DDAH1: variants seen among roughly 807,000 people sequenced by gnomAD.
DDAH1 encodes dimethylarginine dimethylaminohydrolase 1.
In DDAH1, 19 loss-of-function variants were observed where a neutral mutation model predicts 28.8. That is an observed-to-expected ratio of 0.66 (90% CI 0.46 to 0.97). The LOEUF is 0.97. DDAH1 is among the 50% of genes least tolerant of loss of function. The pLI is 0.00. For synonymous variants in DDAH1, 153 were observed against 154.4 expected (o/e 0.99, Z 0.07); for missense variants, 326 against 375.9 (o/e 0.87, Z 1.10).
chr1:85,417,798 T>C (rs1326391783), intron 1 of DDAH1, among the ~76,000 whole-genome samples: 2 of 152,206 alleles, frequency 1.3e-5, no homozygotes, highest in African/African-American at 4.8e-5. Context: ...GAAGAGTGAA[T>C]TTAGAAAATC....
intron 1 of DDAH1, among the ~76,000 whole-genome samples, chr1:85,447,546 A>G (rs993740061): frequency 2.6e-5 from 4 of 152,134 alleles, no homozygotes; most frequent in African/African-American, 7.2e-5. Flanking sequence ...TATCCTTACA[A>G]TCTTCCTCCT....
At chr1:85,337,177 A>G in intron 4 of DDAH1, among the ~76,000 whole-genome samples, 1 of 152,198 alleles carries the variant, frequency 6.6e-6, no homozygotes, top group Non-Finnish European at 1.5e-5. Context: ...CTTGTTTTAT[A>G]TCATCTTTCC....
intron 1 of DDAH1, among the ~76,000 whole-genome samples, chr1:85,460,351 T>C (rs1007827901): frequency 3.9e-5 from 6 of 152,222 alleles, no homozygotes; most frequent in Admixed American, 6.5e-5. Context: ...CCCCATTTGA[T>C]GCCTAATTCC....
intron 1 of DDAH1, among the ~76,000 whole-genome samples, chr1:85,375,368 T>C (rs892135458): frequency 6.6e-6 from 1 of 152,076 alleles, no homozygotes; most frequent in Admixed American, 6.6e-5. Flanking sequence ...TGATATTCCA[T>C]AAGACTAGAT....
intron 1 of DDAH1, among the ~76,000 whole-genome samples, chr1:85,438,185 G>A (rs1570544219): frequency 6.6e-6 from 1 of 152,168 alleles, no homozygotes; most frequent in East Asian, 1.9e-4. Flanking sequence ...CTAGAGGGTG[G>A]AGGGTTGGTG....
intron 1 of DDAH1, among the ~76,000 whole-genome samples, chr1:85,403,367 A>G (rs1255461277): frequency 6.6e-6 from 1 of 152,084 alleles, no homozygotes; most frequent in Non-Finnish European, 1.5e-5. Flanking sequence ...ATAATTCAAA[A>G]CGTGCGAGAC....
chr1:85,397,976 A>C (rs1169414891), intron 1 of DDAH1, among the ~76,000 whole-genome samples: 1 of 142,946 alleles, frequency 7.0e-6, no homozygotes, highest in African/African-American at 2.6e-5. Context: ...CAGAGCTGTA[A>C]GCCAAATAAA....
chr1:85,333,187 C>G (rs1647889779), intron 4 of DDAH1, among the ~76,000 whole-genome samples: 3 of 152,198 alleles, frequency 2.0e-5, no homozygotes, highest in Admixed American at 2.0e-4. Context: ...ACAACGGCAG[C>G]CTACGCCACT....
chr1:85,456,095 GA>G (rs769288), intron 1 of DDAH1, among the ~76,000 whole-genome samples: 221 of 142,408 alleles, frequency 1.6e-3, no homozygotes, highest in East Asian at 3.0e-3. Context: ...GTTCCAAAAA[GA>G]AAAAAAAAAA....
At chr1:85,503,561 C>CTATCTATCTATCTATT (rs1656902417) in intron 1 of DDAH1, among the ~76,000 whole-genome samples, 1 of 151,934 alleles carries the variant, frequency 6.6e-6, no homozygotes, top group African/African-American at 2.4e-5. Context: ...ATCTATCTAT[C>CTATCTATCTATCTATT]TATCTATCCA....
At chr1:85,331,423 G>GTATGTATATGTATATA (rs111876317) in intron 4 of DDAH1, among the ~76,000 whole-genome samples, 7,324 of 148,502 alleles carry the variant, frequency 0.049, 604 homozygotes, top group African/African-American at 0.17. Flanking sequence ...ATTCATATAT[G>GTATGTATATGTATATA]TATATATATA....
At chr1:85,391,230 CT>C (rs1251428699) in intron 1 of DDAH1, among the ~76,000 whole-genome samples, 3 of 152,164 alleles carry the variant, frequency 2.0e-5, no homozygotes, top group Admixed American at 1.3e-4. Flanking sequence ...CCCTGAGTGA[CT>C]TATACTCTTC....
intron 1 of DDAH1, among the ~76,000 whole-genome samples, chr1:85,504,341 G>T (rs1166323526): frequency 6.6e-6 from 1 of 152,174 alleles, no homozygotes; most frequent in Admixed American, 6.5e-5. Flanking sequence ...TAAAATTAAA[G>T]AGAACAAAGG....
chr1:85,331,430 T>TA (rs1557469740), intron 4 of DDAH1, among the ~76,000 whole-genome samples: 1 of 151,230 alleles, frequency 6.6e-6, no homozygotes, highest in Non-Finnish European at 1.5e-5. Context: ...TATGTATATA[T>TA]ATATATATAA....
At chr1:85,563,562 A>G (rs1431134587) in intron 1 of DDAH1, among the ~76,000 whole-genome samples, 1 of 152,176 alleles carries the variant, frequency 6.6e-6, no homozygotes, top group Non-Finnish European at 1.5e-5. Context: ...TGTGTTCCAA[A>G]ACAAAATTCA....
At chr1:85,459,040 T>C (rs1319034503) in intron 1 of DDAH1, among the ~76,000 whole-genome samples, 2 of 152,184 alleles carry the variant, frequency 1.3e-5, no homozygotes, top group Non-Finnish European at 2.9e-5. Flanking sequence ...CAAATTTATA[T>C]TGAGAATCAT....
At chr1:85,340,831 T>C (rs1433930251) in intron 4 of DDAH1, among the ~76,000 whole-genome samples, 2 of 152,162 alleles carry the variant, frequency 1.3e-5, no homozygotes, top group Non-Finnish European at 2.9e-5. Flanking sequence ...GCCAAGATAA[T>C]TTGAAGCAGC....
chr1:85,388,105 C>T (rs535241969), intron 1 of DDAH1, among the ~76,000 whole-genome samples: 1 of 152,338 alleles, frequency 6.6e-6, no homozygotes, highest in African/African-American at 2.4e-5. Context: ...CTAGGCTTCA[C>T]CTCCAACACT....
intron 4 of DDAH1, among the ~76,000 whole-genome samples, chr1:85,328,111 A>G (rs1032101706): frequency 6.6e-6 from 1 of 152,176 alleles, no homozygotes; most frequent in Admixed American, 6.5e-5. Context: ...ACATGGCTAA[A>G]ATCAACAAGG....
Sources: gnomAD v4.1 joint callset for allele counts (sites outside exome capture counted in the v4.1 genomes callset) on GRCh38, gnomAD v4.1.1 for gene constraint, MANE v1.5 for transcripts, NCBI Gene and HGNC (gene_info 2026-07-23, HGNC 2026-07-21) for gene names.